Variants in MAPT observed in about 807,000 individuals in gnomAD.
The protein encoded by MAPT is microtubule-associated protein tau.
Under a neutral mutation model 67.9 loss-of-function variants are expected in MAPT, and 34 were observed. The observed-to-expected ratio is 0.50, with a 90% CI of 0.38 to 0.67. The LOEUF (loss-of-function observed/expected upper bound fraction) is 0.67. Ranked by LOEUF, MAPT falls within the 30% of genes least tolerant of loss-of-function variation. The probability of loss-of-function intolerance (pLI) is 0.00; values close to 1 mark genes in which losing one functional copy is unlikely to be tolerated. For synonymous variants in MAPT, 456 were observed against 464.5 expected (o/e 0.98, Z 0.23); for missense variants, 881 against 1,115.2 (o/e 0.79, Z 2.99).
At chr17:46,017,042 G>T (rs1322186123) in intron 11 of MAPT, among the ~76,000 whole-genome samples, 2 of 152,180 alleles carry the variant, frequency 1.3e-5, no homozygotes, top group Non-Finnish European at 2.9e-5. Context: ...GGAAGAGAAG[G>T]CCATGAGAAG....
At chr17:45,948,258 G>A (rs1402904265) in intron 1 of MAPT, among the ~76,000 whole-genome samples, 1 of 152,022 alleles carries the variant, frequency 6.6e-6, no homozygotes, top group East Asian at 1.9e-4. Flanking sequence ...TGCCCACCTT[G>A]GCCTTCCAAA....
At chr17:45,968,842 A>C (rs1198291601) in intron 2 of MAPT, among the ~76,000 whole-genome samples, 2 of 152,248 alleles carry the variant, frequency 1.3e-5, no homozygotes, top group Non-Finnish European at 2.9e-5. Context: ...GGGACGTCTC[A>C]TCTGCCAGGC....
intron 1 of MAPT, among the ~76,000 whole-genome samples, chr17:45,921,060 T>C (rs2065665928): frequency 6.6e-6 from 1 of 152,230 alleles, no homozygotes; most frequent in South Asian, 2.1e-4. Context: ...GCCAAAGTTT[T>C]TACTCCTTCC....
chr17:45,911,784 A>AC (rs200943184), intron 1 of MAPT, among the ~76,000 whole-genome samples: 21,788 of 151,968 alleles, frequency 0.14, 2,125 homozygotes, highest in Middle Eastern at 0.22. Context: ...ACAAACAACA[A>AC]AAAAAAAGGC....
At chr17:45,946,021 G>A (rs1450392880) in intron 1 of MAPT, among the ~76,000 whole-genome samples, 1 of 151,812 alleles carries the variant, frequency 6.6e-6, no homozygotes, top group Non-Finnish European at 1.5e-5. Context: ...TTTTAAATAA[G>A]GACCATAAAT....
intron 1 of MAPT, among the ~76,000 whole-genome samples, chr17:45,952,914 C>T (rs534478237): frequency 1.3e-5 from 2 of 152,222 alleles, no homozygotes; most frequent in South Asian, 2.1e-4. Flanking sequence ...TGAGGGGCAG[C>T]GGAGCATCAC....
In MAPT at chr17:45,958,673, A is replaced by T. The variant is rs184331687; in HGVS notation, c.-17-3648A>T. On this transcript the variant is annotated intron_variant, in intron 1 of 12. Transcript: ENST00000262410. ...GAGGTAGAGTCTGCAGTGAGCCAAGATCACACCGCTGCACTCCAGCTGGAG... is the reference window on the plus strand; with the variant it reads ...GAGGTAGAGTCTGCAGTGAGCCAAGTTCACACCGCTGCACTCCAGCTGGAG... Among the ~76,000 whole-genome samples the T allele has an allele frequency of 9.9e-5, 15 of 151,792 alleles. No individual in the cohort carries two copies. The East Asian group carries it at 1.7e-3, about 18-fold the overall frequency.
intron 2 of MAPT, chr17:45,969,111 G>A (rs1254428551): frequency 6.6e-6 from 1 of 152,214 alleles, no homozygotes; most frequent in Non-Finnish European, 1.5e-5. Context: ...AGACAGCAGA[G>A]GAAACCCATT....
At chr17:45,968,257 G>A (rs750575307) in intron 2 of MAPT, among the ~76,000 whole-genome samples, 3 of 152,112 alleles carry the variant, frequency 2.0e-5, no homozygotes, top group African/African-American at 2.4e-5. Flanking sequence ...TGTTCAAGAT[G>A]TCTCATGTTC....
chr17:45,971,757 G>T lies in MAPT; in HGVS notation c.134-102G>T. On this transcript the variant is annotated intron_variant, in intron 2 of 12. Transcript: ENST00000262410. The surrounding 1 kb of genome is among the most constrained non-coding windows in gnomAD (Gnocchi z 4.3). Reference sequence around the variant, plus strand: ...TGTTCCAGCTGTTTCCACAGGGAGCGATTTTCAGCTCCACAGGACACTGCT... The same window carrying T: ...TGTTCCAGCTGTTTCCACAGGGAGCTATTTTCAGCTCCACAGGACACTGCT... 1 of 866,348 alleles carries T rather than the reference G, an allele frequency of 1.2e-6. No individual in the cohort carries two copies. Among genetic ancestry groups the T allele is most frequent in the Non-Finnish European group, 2.0e-6 (1 of 512,054 alleles). 53.7% of individuals were successfully genotyped at this position (866,348 alleles called of 1,614,324 possible).
intron 2 of MAPT, among the ~76,000 whole-genome samples, chr17:45,967,444 G>A (rs557238704): frequency 1.3e-5 from 2 of 152,310 alleles, no homozygotes; most frequent in South Asian, 2.1e-4. Context: ...AGAAGTCTGC[G>A]TGATGCTGCC....
chr17:45,983,281 G>T lies in MAPT; in HGVS notation c.702G>T (p.Leu234=). Reference sequence around the variant, plus strand: ...CCGGCATGCCTGGGGCTCCCCTCCTGCCTGAGGGCCCCAGAGAGGCCACAC... The same window carrying T: ...CCGGCATGCCTGGGGCTCCCCTCCTTCCTGAGGGCCCCAGAGAGGCCACAC... ...LMSGMPGAPL[L]PEGPREATRQ... The change falls in exon 5 of 13, where the codon CTG becomes CTT. Residue 234 remains leucine (L), a synonymous_variant. Transcript: ENST00000262410. 1 of 1,598,840 alleles carries T rather than the reference G, an allele frequency of 6.3e-7. No individual in the cohort carries two copies. Among genetic ancestry groups the T allele is most frequent in the South Asian group, 1.1e-5 (1 of 89,038 alleles).
At chr17:46,000,983 C>T (rs774269324) in intron 9 of MAPT, among the ~76,000 whole-genome samples, 2 of 152,204 alleles carry the variant, frequency 1.3e-5, no homozygotes, top group Non-Finnish European at 2.9e-5. Context: ...AATCCCAACA[C>T]CTGGGGAGGC....
chr17:46,008,186 T>C (rs1463835286), intron 9 of MAPT, among the ~76,000 whole-genome samples: 1 of 152,188 alleles, frequency 6.6e-6, no homozygotes, highest in African/African-American at 2.4e-5. Flanking sequence ...AACCTCCATC[T>C]CCCGGGTTCA....
intron 1 of MAPT, among the ~76,000 whole-genome samples, chr17:45,914,199 G>A (rs1018959976): frequency 2.0e-5 from 3 of 152,230 alleles, no homozygotes; most frequent in Admixed American, 1.3e-4. Flanking sequence ...TGCTGCTCAG[G>A]GATCTGAGGG....
intron 2 of MAPT, among the ~76,000 whole-genome samples, chr17:45,965,831 C>T (rs1257364136): frequency 6.6e-6 from 1 of 152,200 alleles, no homozygotes; most frequent in Non-Finnish European, 1.5e-5. Flanking sequence ...CTAATTGGGA[C>T]ATTTTTGTAG....
At chr17:45,956,569 TATATATATATATATATATATATA>T (rs2069698573) in intron 1 of MAPT, among the ~76,000 whole-genome samples, 3 of 59,374 alleles carry the variant, frequency 5.1e-5, no homozygotes, top group Admixed American at 1.6e-4. Flanking sequence ...TATATATATA[TATATATATATATATATATATATA>T]TATATATATT....
rs539095422 is a variant in MAPT at position 45,895,197 on chromosome 17, A to ACTCCCTGCACGCCC, written c.-18+522_-18+535dup. 8.1e-5 allele frequency: 12 copies of ACTCCCTGCACGCCC among 147,650 alleles called. No homozygotes were observed. The East Asian group carries it at 2.5e-3, about 31-fold the overall frequency. The allele number at this position is 147,650 out of a possible 1,614,324, so 9.1% of individuals were successfully genotyped here. On this transcript the variant is annotated intron_variant, in intron 1 of 12. Coordinates refer to ENST00000262410, the MANE Select transcript of MAPT (RefSeq NM_001377265.1). ...CGTGGATCGGGTTCTAGAAAAGATG[A>ACTCCCTGCACGCCC]CTCCCTGCACGCCCCTCCCTGCACC...
At chr17:45,974,334 C>A in intron 3 of MAPT, 2 of 1,323,486 alleles carry the variant, frequency 1.5e-6, no homozygotes, top group Non-Finnish European at 2.1e-6. Context: ...AGGTGAGGGG[C>A]TGGGTATGGC....
Sources: allele counts gnomAD v4.1 joint callset (sites outside exome capture counted in the v4.1 genomes callset), GRCh38; gene constraint gnomAD v4.1.1; non-coding constraint Gnocchi (gnomAD v3.1); transcripts MANE v1.5; gene names NCBI Gene and HGNC (gene_info 2026-07-23, HGNC 2026-07-21).